The following SLC6A11 variants were observed in gnomAD, a reference collection of about 807,000 sequenced individuals.
The protein encoded by SLC6A11 is sodium- and chloride-dependent GABA transporter 3.
SLC6A11 carries 25 observed loss-of-function variants against 74.8 expected under a neutral mutation model. The ratio of observed to expected loss-of-function variants is 0.33; its 90% CI spans 0.24 to 0.47. The LOEUF (loss-of-function observed/expected upper bound fraction) is 0.47. Ranked by LOEUF, SLC6A11 falls within the 20% of genes least tolerant of loss-of-function variation. The pLI is 1.00. For missense variants in SLC6A11, 574 were observed against 837.0 expected (o/e 0.69, Z 3.88); for synonymous variants, 330 against 330.2 (o/e 1.00, Z 0.01).
chr3:10,904,912 T>A (rs905118363), intron 6 of SLC6A11, among the ~76,000 whole-genome samples: 1 of 152,216 alleles, frequency 6.6e-6, no homozygotes, highest in African/African-American at 2.4e-5. Context: ...CCTAGTAAGA[T>A]CATTAGCAAA....
At chr3:10,873,883 C>A (rs1297355341) in intron 5 of SLC6A11, among the ~76,000 whole-genome samples, 2 of 152,172 alleles carry the variant, frequency 1.3e-5, no homozygotes, top group Non-Finnish European at 2.9e-5. Context: ...CTATGTTATC[C>A]TATGCTACTC....
chr3:10,840,187 G>A (rs62238735), intron 4 of SLC6A11, among the ~76,000 whole-genome samples: 5,608 of 152,172 alleles, frequency 0.037, 172 homozygotes, highest in Non-Finnish European at 0.053. Flanking sequence ...CCATGTGGCC[G>A]CCTCCTCACC....
Position 10,935,153 on chromosome 3 carries a change from T to C in SLC6A11, c.1700T>C (p.Leu567Pro). 6.2e-7 allele frequency: 1 copy of C among 1,614,218 alleles called. No homozygotes were observed. The highest frequency in any genetic ancestry group is 8.5e-7 in the Non-Finnish European group (1 of 1,180,026). ...CTGTCCTCCATGCTCTGCATCCCGC[T>C]CTGGATCTGCATCACAGTGTGGAAG... ...MALSSMLCIPLWICITVWKTE... is the reference protein window; with the variant it reads ...MALSSMLCIPPWICITVWKTE... The change falls in exon 13 of 14, where the codon CTC becomes CCC. Residue 567 changes from leucine (L) to proline (P), a missense_variant. Around this residue, in one of 4 missense-constraint regions of SLC6A11, gnomAD observed 257 missense variants for 341.5 expected, o/e 0.75. Coordinates refer to ENST00000254488, the MANE Select transcript of SLC6A11 (RefSeq NM_014229.3).
At position 10,873,889 on chromosome 3, in the gene SLC6A11, T is replaced by C. The variant is rs145461707; in HGVS notation, c.757-1072T>C. 7.4e-4 allele frequency among the ~76,000 whole-genome samples: 113 copies of C among 152,360 alleles called. 1 individual carries two copies. Among genetic ancestry groups the C allele is most frequent in the Admixed American group, 1.8e-3 (27 of 15,312 alleles). ...TATCCTATGCTATGTTATCCTATGC[T>C]ACTCTATGCTATCCTATGCTATGCT... On this transcript the variant is annotated intron_variant, in intron 5 of 13. Transcript: ENST00000254488.
chr3:10,920,272 T>C (rs1695519010), intron 8 of SLC6A11, among the ~76,000 whole-genome samples: 1 of 152,162 alleles, frequency 6.6e-6, no homozygotes, highest in African/African-American at 2.4e-5. Context: ...ATTGAAAGAA[T>C]ACTCATTGTG....
chr3:10,873,412 A>ATCCTT (rs1694854004), intron 5 of SLC6A11, among the ~76,000 whole-genome samples: 9 of 147,772 alleles, frequency 6.1e-5, no homozygotes, highest in African/African-American at 2.1e-4. Flanking sequence ...ATCCTATCCT[A>ATCCTT]TCCTATCCTA....
intron 9 of SLC6A11, among the ~76,000 whole-genome samples, chr3:10,927,540 T>C (rs17033665): frequency 0.19 from 28,808 of 152,220 alleles, 2,977 homozygotes; most frequent in African/African-American, 0.26. Context: ...CTCGGTCGTG[T>C]ACCCGGGCCC....
At chr3:10,824,562 A>G (rs1324335065) in intron 4 of SLC6A11, 2 of 152,144 alleles carry the variant, frequency 1.3e-5, no homozygotes, top group African/African-American at 4.8e-5. Context: ...ATATTTTTCA[A>G]ATTTGTGATA....
At chr3:10,868,567 T>G (rs1430646331) in intron 5 of SLC6A11, among the ~76,000 whole-genome samples, 1 of 152,208 alleles carries the variant, frequency 6.6e-6, no homozygotes, top group Non-Finnish European at 1.5e-5. Context: ...CCAAGGGGTG[T>G]GTTTTGGGCA....
chr3:10,907,650 G>C (rs1191351462), intron 6 of SLC6A11, among the ~76,000 whole-genome samples: 2 of 152,210 alleles, frequency 1.3e-5, no homozygotes, highest in African/African-American at 4.8e-5. Context: ...TTTATAAGGG[G>C]AAGCAAGTTA....
intron 5 of SLC6A11, among the ~76,000 whole-genome samples, chr3:10,850,851 G>A (rs1232011347): frequency 2.0e-5 from 3 of 152,160 alleles, no homozygotes; most frequent in Admixed American, 6.5e-5. Context: ...GGAGTGGTGG[G>A]GCTGTGGCAG....
chr3:10,863,146 GA>G (rs1285288847), intron 5 of SLC6A11, among the ~76,000 whole-genome samples: 2 of 152,236 alleles, frequency 1.3e-5, no homozygotes, highest in African/African-American at 4.8e-5. Flanking sequence ...AGCCTGTAGA[GA>G]TGAATAAAGC....
chr3:10,875,878 G>T (rs140603467), intron 6 of SLC6A11, among the ~76,000 whole-genome samples: 2 of 152,200 alleles, frequency 1.3e-5, no homozygotes, highest in Non-Finnish European at 2.9e-5. Context: ...AATTCCCAGA[G>T]CATAACCCAG....
chr3:10,910,683 G>C (rs1695374256), intron 6 of SLC6A11, among the ~76,000 whole-genome samples: 1 of 152,092 alleles, frequency 6.6e-6, no homozygotes, highest in African/African-American at 2.4e-5. Context: ...CATCTCTAGA[G>C]GCAGTCCTCC....
chr3:10,914,930 C>T (rs1322730335), intron 7 of SLC6A11, among the ~76,000 whole-genome samples: 1 of 152,126 alleles, frequency 6.6e-6, no homozygotes, highest in Non-Finnish European at 1.5e-5. Flanking sequence ...TCCAGCTAGG[C>T]TGTCAGCACC....
At chr3:10,932,677 C>T (rs189053432) in intron 10 of SLC6A11, among the ~76,000 whole-genome samples, 1 of 152,146 alleles carries the variant, frequency 6.6e-6, no homozygotes, top group African/African-American at 2.4e-5. Flanking sequence ...GGGCAGCAGC[C>T]GTGACTAGCA....
At chr3:10,833,854 C>T (rs1009850891) in intron 4 of SLC6A11, among the ~76,000 whole-genome samples, 11 of 152,108 alleles carry the variant, frequency 7.2e-5, no homozygotes, top group Admixed American at 3.3e-4. Context: ...ATTAGCCAGA[C>T]GGGTATTTGT....
At chr3:10,884,372 T>A (rs1695017940) in intron 6 of SLC6A11, among the ~76,000 whole-genome samples, 2 of 152,240 alleles carry the variant, frequency 1.3e-5, no homozygotes, top group Admixed American at 6.5e-5. Context: ...AATTATTATA[T>A]TTTAGACATA....
chr3:10,937,589 G>A (rs1695773547), intron 13 of SLC6A11, among the ~76,000 whole-genome samples: 1 of 152,264 alleles, frequency 6.6e-6, no homozygotes, highest in Admixed American at 6.5e-5. Context: ...AGATGAAGCT[G>A]AGGGATAGGG....
Sources: allele counts gnomAD v4.1 joint callset (sites outside exome capture counted in the v4.1 genomes callset), GRCh38; gene constraint gnomAD v4.1.1; regional missense constraint gnomAD v4.1.1; transcripts MANE v1.5; gene names NCBI Gene and HGNC (gene_info 2026-07-23, HGNC 2026-07-21).